The following FMN1 variants were observed in gnomAD, a reference collection of about 807,000 sequenced individuals.
FMN1 encodes formin 1, also known as formin-1.
In FMN1, 110 loss-of-function variants were observed where a neutral mutation model predicts 132.4. The observed-to-expected ratio is 0.83, with a 90% CI of 0.71 to 0.97. The LOEUF is 0.97. Among genes scored for constraint, FMN1 ranks in the 50% least tolerant of loss-of-function variants. The pLI is 0.00. For synonymous variants in FMN1, 722 were observed against 651.7 expected (o/e 1.11, Z -1.64); for missense variants, 1,792 against 1,705.3 (o/e 1.05, Z -0.90).
intron 5 of FMN1, among the ~76,000 whole-genome samples, chr15:33,076,950 C>T (rs1349579487): frequency 6.6e-6 from 1 of 152,166 alleles, no homozygotes; most frequent in Non-Finnish European, 1.5e-5. Context: ...TTAATTCAGA[C>T]ATTTAAAAAG....
intron 4 of FMN1, among the ~76,000 whole-genome samples, chr15:33,099,503 A>G (rs529035796): frequency 1.1e-3 from 163 of 152,310 alleles, no homozygotes; most frequent in Non-Finnish European, 2.0e-3. Flanking sequence ...ATCTTTTGAG[A>G]GCTATCAAGA....
At chr15:33,012,825 TG>T (rs2034807575) in intron 6 of FMN1, 1 of 641,064 alleles carries the variant, frequency 1.6e-6, no homozygotes, top group Non-Finnish European at 2.9e-6. Context: ...GTGGAGGATA[TG>T]GTAGCAGTGG....
chr15:33,112,288 A>AT (rs1383251565), intron 4 of FMN1, among the ~76,000 whole-genome samples: 2 of 29,194 alleles, frequency 6.9e-5, no homozygotes, highest in African/African-American at 3.3e-4. Flanking sequence ...GTGGCAGTGC[A>AT]TAAAACAAAA....
intron 5 of FMN1, among the ~76,000 whole-genome samples, chr15:33,071,186 T>C (rs140341499): frequency 3.2e-4 from 48 of 152,326 alleles, no homozygotes; most frequent in Middle Eastern, 3.4e-3. Flanking sequence ...AACAACCTTA[T>C]ACTGAGGATG....
intron 16 of FMN1, among the ~76,000 whole-genome samples, chr15:32,882,097 G>A (rs765190001): frequency 2.0e-5 from 3 of 152,190 alleles, no homozygotes; most frequent in Non-Finnish European, 2.9e-5. Flanking sequence ...GACTGGTTGA[G>A]TGGTTGTATG....
Position 32,964,045 on chromosome 15 carries a change from A to ACACACG in FMN1, c.3138+61_3138+62insCGTGTG, listed in dbSNP as rs1567472538. 1.3e-5 allele frequency: 16 copies of ACACACG among 1,229,986 alleles called. No individual in the cohort carries two copies. The African/African-American group carries it at 2.4e-4, about 18-fold the overall frequency. 76.2% of individuals were successfully genotyped at this position (1,229,986 alleles called of 1,614,324 possible). On this transcript the variant is annotated intron_variant, in intron 9 of 20. Coordinates refer to ENST00000616417, the MANE Select transcript of FMN1 (RefSeq NM_001277313.2). ...CACACACACACACACACACACACAC[A>ACACACG]CACATATATACCATTTCCCTGTATA... is the stretch of plus-strand genomic sequence containing the variant.
chr15:33,160,570 AG>A (rs1184692337), intron 3 of FMN1, among the ~76,000 whole-genome samples: 2 of 152,350 alleles, frequency 1.3e-5, no homozygotes, highest in African/African-American at 4.8e-5. Context: ...AAAAAGCAAA[AG>A]GACAGGAAAT....
chr15:33,002,286 A>T (rs1227343489), intron 7 of FMN1, among the ~76,000 whole-genome samples: 1 of 152,218 alleles, frequency 6.6e-6, no homozygotes. Flanking sequence ...ATATGGAGAA[A>T]GAAAATCTAA....
chr15:33,010,978 G>A (rs1315960235), intron 6 of FMN1, among the ~76,000 whole-genome samples: 1 of 144,022 alleles, frequency 6.9e-6, no homozygotes, highest in Non-Finnish European at 1.5e-5. Context: ...TTGTAAAGGT[G>A]TGAGTCTTCC....
chr15:33,036,091 A>G (rs1224950407), intron 6 of FMN1, among the ~76,000 whole-genome samples: 3 of 152,214 alleles, frequency 2.0e-5, no homozygotes, highest in African/African-American at 7.2e-5. Flanking sequence ...CCATAACTGC[A>G]TGGAATAAAT....
intron 3 of FMN1, among the ~76,000 whole-genome samples, chr15:33,175,935 T>A (rs760201591): frequency 6.6e-6 from 1 of 152,216 alleles, no homozygotes; most frequent in African/African-American, 2.4e-5. Context: ...CATACATAAT[T>A]TTATTTAAAT....
Position 32,856,996 on chromosome 15 carries a change from G to C in FMN1, c.3928+19C>G, listed in dbSNP as rs368780529. ...ATGTTTCAGGGCCACGTGTATGTGC[G>C]GCTGACAAAGCTTCCTACCTTTTTG... is the stretch of plus-strand genomic sequence containing the variant. On this transcript the variant is annotated intron_variant, in intron 17 of 20. Transcript: ENST00000616417. 2 of 1,565,864 alleles carry C rather than the reference G, an allele frequency of 1.3e-6. No homozygotes were observed. The highest frequency in any genetic ancestry group is 4.5e-5 in the East Asian group (2 of 44,668).
chr15:33,177,711 T>A (rs906603144), intron 3 of FMN1, among the ~76,000 whole-genome samples: 1 of 152,056 alleles, frequency 6.6e-6, no homozygotes, highest in African/African-American at 2.4e-5. Context: ...GTAAGAAATT[T>A]AGATATGAGA....
chr15:33,086,843 AT>A lies in FMN1; in HGVS notation c.2043+1955del, dbSNP rs542393910. Among the ~76,000 whole-genome samples, 361 of 152,338 alleles carry A rather than the reference AT, an allele frequency of 2.4e-3. 1 individual carries two copies. Among genetic ancestry groups the A allele is most frequent in the African/African-American group, 8.3e-3 (344 of 41,574 alleles). ...TCATTTCTAAACCTCCTTTTGTAAT[AT>A]CTGGAATGTTGAATGCTGTTCTAAA... On this transcript the variant is annotated intron_variant, in intron 5 of 20. Transcript: ENST00000616417.
At chr15:33,097,077 T>G (rs1449364894) in intron 4 of FMN1, among the ~76,000 whole-genome samples, 2 of 152,012 alleles carry the variant, frequency 1.3e-5, no homozygotes, top group Non-Finnish European at 2.9e-5. Context: ...GTGGATCACT[T>G]AAGCTCACGA....
chr15:33,067,801 C>T (rs1329613508), intron 5 of FMN1: 5 of 1,614,006 alleles, frequency 3.1e-6, no homozygotes, highest in Admixed American at 1.7e-5. Context: ...TACTCAGGAT[C>T]GACTGAGCCA....
intron 6 of FMN1, among the ~76,000 whole-genome samples, chr15:33,031,423 C>T (rs2035932671): frequency 6.6e-6 from 1 of 152,168 alleles, no homozygotes; most frequent in Admixed American, 6.5e-5. Context: ...TCCAGAGGAG[C>T]TGCCCCAATT....
chr15:33,093,900 G>A (rs1053854934), intron 4 of FMN1, among the ~76,000 whole-genome samples: 1 of 152,154 alleles, frequency 6.6e-6, no homozygotes, highest in African/African-American at 2.4e-5. Context: ...CAAATTTACA[G>A]TTGGAAAGAA....
intron 9 of FMN1, among the ~76,000 whole-genome samples, chr15:32,929,382 T>G (rs2061046972): frequency 6.6e-6 from 1 of 152,212 alleles, no homozygotes; most frequent in Non-Finnish European, 1.5e-5. Context: ...CTCTTCGTCT[T>G]TTTTTTCTCC....
Sources: allele counts gnomAD v4.1 joint callset (sites outside exome capture counted in the v4.1 genomes callset), GRCh38; gene constraint gnomAD v4.1.1; transcripts MANE v1.5; gene names NCBI Gene and HGNC (gene_info 2026-07-23, HGNC 2026-07-21).